ARPC4: variants seen among roughly 807,000 people sequenced by gnomAD.
ARPC4 encodes actin related protein 2/3 complex subunit 4, also known as actin-related protein 2/3 complex subunit 4.
Under a neutral mutation model 22.8 loss-of-function variants are expected in ARPC4, and 3 were observed. The observed-to-expected ratio is 0.13, with a 90% CI of 0.06 to 0.34. ARPC4 has a LOEUF of 0.34. Ranked by LOEUF, ARPC4 falls within the 10% of genes least tolerant of loss-of-function variation. The probability of loss-of-function intolerance (pLI) is 1.00; values close to 1 mark genes in which losing one functional copy is unlikely to be tolerated. For missense variants in ARPC4, 98 were observed against 211.0 expected, an observed-to-expected ratio of 0.46 and a Z score of 3.32; for synonymous variants, 80 against 72.5, an observed-to-expected ratio of 1.10 and a Z score of -0.52.
chr3:9,803,163 G>C (rs1297710077), intron 4 of ARPC4, among the ~76,000 whole-genome samples: 1 of 151,578 alleles, frequency 6.6e-6, no homozygotes, highest in Non-Finnish European at 1.5e-5. Flanking sequence ...GATTACAGGC[G>C]TGAGCCACCG....
At chr3:9,804,689 T>G (rs920113946) in intron 5 of ARPC4, among the ~76,000 whole-genome samples, 14 of 152,212 alleles carry the variant, frequency 9.2e-5, no homozygotes, top group African/African-American at 3.4e-4. Flanking sequence ...GGCTGTGATC[T>G]CTAGACGGTA....
Position 9,806,502 on chromosome 3 carries a change from T to C in ARPC4, c.*287T>C. The C allele has an allele frequency of 2.0e-6, 1 of 496,654 alleles. No individual in the cohort carries two copies. Among genetic ancestry groups the C allele is most frequent in the Non-Finnish European group, 3.6e-6 (1 of 279,572 alleles). 30.8% of individuals were successfully genotyped at this position (496,654 alleles called of 1,614,324 possible). A position where few individuals can be genotyped will look rare whatever the true frequency, so the allele number is the denominator to read the frequency against. On this transcript the variant is annotated 3_prime_UTR_variant, in exon 6 of 6. Coordinates refer to ENST00000397261, the MANE Select transcript of ARPC4 (RefSeq NM_005718.5). ...CTTAAACTCTGTGCTTGTAGGATAC[T>C]GTAACCTTTTTGTCTTTTTTTTTTT... is the stretch of plus-strand genomic sequence containing the variant.
At chr3:9,799,341 A>G (rs1325459129) in intron 2 of ARPC4, among the ~76,000 whole-genome samples, 1 of 152,188 alleles carries the variant, frequency 6.6e-6, no homozygotes, top group African/African-American at 2.4e-5. Flanking sequence ...CAGATTGTGG[A>G]ATATTTGCAG....
chr3:9,795,941 CA>C (rs1477300191), intron 1 of ARPC4, among the ~76,000 whole-genome samples: 1 of 152,064 alleles, frequency 6.6e-6, no homozygotes, highest in Non-Finnish European at 1.5e-5. Context: ...ACTAAAAATA[CA>C]AAAATTAACC....
chr3:9,799,934 C>G (rs779155927), intron 2 of ARPC4: 4 of 610,154 alleles, frequency 6.6e-6, no homozygotes, highest in South Asian at 3.0e-5. Context: ...AATTGAGATT[C>G]CAACAGGGTA....
intron 2 of ARPC4, among the ~76,000 whole-genome samples, chr3:9,799,468 A>G (rs988365121): frequency 1.4e-4 from 20 of 138,276 alleles, no homozygotes; most frequent in African/African-American, 4.9e-4. Flanking sequence ...TTTGAGATGG[A>G]GTTTGATTCT....
chr3:9,803,467 G>C, intron 4 of ARPC4: 3 of 461,650 alleles, frequency 6.5e-6, no homozygotes, highest in Non-Finnish European at 1.3e-5. Context: ...AGCAGAAAAA[G>C]ACCCTTAATC....
At chr3:9,792,906 A>G, upstream of ARPC4, 1 of 1,398,050 alleles carries the variant, frequency 7.2e-7, no homozygotes, top group Non-Finnish European at 9.3e-7. Context: ...TTAAATAGTG[A>G]CTCGAGTGCA....
intron 5 of ARPC4, among the ~76,000 whole-genome samples, chr3:9,805,102 T>C (rs1448829423): frequency 6.6e-6 from 1 of 152,234 alleles, no homozygotes; most frequent in Non-Finnish European, 1.5e-5. Flanking sequence ...GCCAGGATAT[T>C]AGGAGGCCTC....
intron 5 of ARPC4, chr3:9,804,245 G>A: frequency 2.2e-6 from 1 of 448,176 alleles, no homozygotes; most frequent in Non-Finnish European, 4.0e-6. Context: ...GTGGCTCTTA[G>A]TCTCTCGTAG....
intron 1 of ARPC4, among the ~76,000 whole-genome samples, chr3:9,795,985 A>G (rs1025119445): frequency 1.3e-5 from 2 of 152,158 alleles, no homozygotes; most frequent in African/African-American, 4.8e-5. Context: ...CATCTCAGCT[A>G]TTCGCATGGC....
chr3:9,797,938 G>T (rs2078929934), intron 2 of ARPC4, 161 bp downstream of exon 2: 1 of 746,078 alleles, frequency 1.3e-6, no homozygotes, highest in African/African-American at 1.8e-5. Flanking sequence ...TTGGAGTTAA[G>T]AAAATAGGGT....
At chr3:9,793,038 G>C (rs1319301667), upstream of ARPC4, 1 of 1,541,448 alleles carries the variant, frequency 6.5e-7, no homozygotes, top group African/African-American at 1.4e-5. Flanking sequence ...GGCGGAGACC[G>C]TAGCTGCGCT....
Position 9,806,452 on chromosome 3 carries a change from A to G in ARPC4, c.*237A>G, listed in dbSNP as rs921328432. 5.2e-6 allele frequency: 3 copies of G among 574,800 alleles called. No individual in the cohort carries two copies. The highest frequency in any genetic ancestry group is 6.1e-5 in the Admixed American group (2 of 32,734). The allele number at this position is 574,800 out of a possible 1,614,324, so 35.6% of individuals were successfully genotyped here. On this transcript the variant is annotated 3_prime_UTR_variant, in exon 6 of 6. Transcript: ENST00000397261. ...CTGATGTTCAGTCCCCTGGGCCGGG[A>G]CAGATTTTTTTTAACGTCTTGAAAC... is the stretch of plus-strand genomic sequence containing the variant.
upstream of ARPC4, chr3:9,793,040 A>G (rs1334481344): frequency 1.3e-6 from 2 of 1,542,872 alleles, no homozygotes; most frequent in East Asian, 2.5e-5. Flanking sequence ...CGGAGACCGT[A>G]GCTGCGCTTC....
At chr3:9,793,628 T>G (rs1193695308) in intron 1 of ARPC4, among the ~76,000 whole-genome samples, 1 of 152,238 alleles carries the variant, frequency 6.6e-6, no homozygotes, top group African/African-American at 2.4e-5. Flanking sequence ...GGATCTCTCG[T>G]GTTGCTTCCA....
Position 9,801,970 on chromosome 3 carries a change from G to T in ARPC4, c.330+214G>T, listed in dbSNP as rs766540974. Among the ~76,000 whole-genome samples the T allele has an allele frequency of 3.2e-4, 49 of 152,174 alleles. 1 individual carries two copies. Among genetic ancestry groups the T allele is most frequent in the Non-Finnish European group, 8.8e-5 (6 of 68,040 alleles). On this transcript the variant is annotated intron_variant, in intron 4 of 5. Transcript: ENST00000397261. ...AAAAGGCAAAAAAGAGCCGGGCGTG[G>T]TGGCTCATGCCTCTAATCCCAACAC...
chr3:9,797,733 C>T lies in ARPC4; in HGVS notation c.78C>T (p.Ser26=), dbSNP rs1463301584. 3 of 1,614,204 alleles carry T rather than the reference C, an allele frequency of 1.9e-6. No homozygotes were observed. Among genetic ancestry groups the T allele is most frequent in the South Asian group, 2.2e-5 (2 of 91,092 alleles). ...LQAALCLENF[S]SQVVERHNKP... ...CTGCCCTCTGCCTGGAGAACTTCTCCTCCCAGGTTGTGGAACGACACAACA... is the reference window on the plus strand; with the variant it reads ...CTGCCCTCTGCCTGGAGAACTTCTCTTCCCAGGTTGTGGAACGACACAACA... Residue 26 remains serine (S), a synonymous_variant, in exon 2 of 6, where the codon TCC becomes TCT. Transcript: ENST00000397261.
chr3:9,796,833 T>G (rs191263076), intron 1 of ARPC4, among the ~76,000 whole-genome samples: 7 of 147,564 alleles, frequency 4.7e-5, no homozygotes, highest in Non-Finnish European at 1.0e-4. Flanking sequence ...CCCAGCTACT[T>G]GGGAGGCTGA....
Sources: allele counts gnomAD v4.1 joint callset (sites outside exome capture counted in the v4.1 genomes callset), GRCh38; gene constraint gnomAD v4.1.1; transcripts MANE v1.5; gene names NCBI Gene and HGNC (gene_info 2026-07-23, HGNC 2026-07-21).